Variants in PHF24 observed in about 807,000 individuals in gnomAD.
PHF24 encodes Galpha inhibitory interacting protein.
A neutral mutation model predicts 42.6 loss-of-function variants in PHF24; 25 were observed. The ratio of observed to expected loss-of-function variants is 0.59; its 90% CI spans 0.43 to 0.82. PHF24 has a LOEUF of 0.82. Ranked by LOEUF, PHF24 falls within the 40% of genes least tolerant of loss-of-function variation. PHF24 has a pLI of 0.00. For missense variants in PHF24, 470 were observed against 538.1 expected (o/e 0.87, Z 1.25); for synonymous variants, 185 against 204.8 (o/e 0.90, Z 0.83).
the PHF24 span, among the ~76,000 whole-genome samples, chr9:34,668,527 C>G: frequency 3.9e-5 from 6 of 152,200 alleles, no homozygotes; most frequent in Non-Finnish European, 7.3e-5. Flanking sequence ...TATGTACAGT[C>G]TCAGGTGCAT....
chr9:34,698,399 T>A, the PHF24 span, among the ~76,000 whole-genome samples: 68,884 of 152,090 alleles, frequency 0.45, 17,205 homozygotes, highest in East Asian at 0.78. Flanking sequence ...AGGCAATATA[T>A]ACTGTATTTA....
At chr9:34,667,451 C>T in the PHF24 span, among the ~76,000 whole-genome samples, 261 of 152,326 alleles carry the variant, frequency 1.7e-3, 2 homozygotes, top group African/African-American at 5.6e-3. Context: ...GCTTTCACCA[C>T]GTTCACCCTT....
At chr9:34,821,831 C>T in the PHF24 span, among the ~76,000 whole-genome samples, 19 of 152,294 alleles carry the variant, frequency 1.2e-4, no homozygotes, top group Admixed American at 1.2e-3. Context: ...GGATTTCAAT[C>T]TCTAGTATCA....
chr9:34,849,162 C>T, the PHF24 span, among the ~76,000 whole-genome samples: 162 of 152,126 alleles, frequency 1.1e-3, no homozygotes, highest in African/African-American at 3.7e-3. Context: ...TCCTTGTTAA[C>T]TTTCTGTCTC....
chr9:34,784,335 G>T, the PHF24 span, among the ~76,000 whole-genome samples: 7 of 152,220 alleles, frequency 4.6e-5, no homozygotes, highest in South Asian at 2.1e-4. Flanking sequence ...GCTTCAGGGA[G>T]TAGGAAATGA....
At chr9:34,933,479 CT>C in the PHF24 span, among the ~76,000 whole-genome samples, 4 of 151,984 alleles carry the variant, frequency 2.6e-5, no homozygotes, top group Non-Finnish European at 4.4e-5. Flanking sequence ...AATCCCAGCA[CT>C]TTGGGAGGCC....
chr9:34,888,507 G>A, the PHF24 span, among the ~76,000 whole-genome samples: 1 of 152,204 alleles, frequency 6.6e-6, no homozygotes, highest in South Asian at 2.1e-4. Flanking sequence ...AATGGAGGTT[G>A]GAACAGGCAA....
the PHF24 span, among the ~76,000 whole-genome samples, chr9:34,807,079 T>C: frequency 2.0e-5 from 3 of 152,234 alleles, no homozygotes; most frequent in Non-Finnish European, 4.4e-5. Flanking sequence ...TAGTACAATG[T>C]TGAGTATAAG....
At chr9:34,721,414 TC>T in the PHF24 span, among the ~76,000 whole-genome samples, 2 of 151,772 alleles carry the variant, frequency 1.3e-5, no homozygotes, top group African/African-American at 4.9e-5. Context: ...TCTCTCTCTC[TC>T]TCTCTCTCTC....
At chr9:34,918,023 C>T in the PHF24 span, 2 of 1,255,272 alleles carry the variant, frequency 1.6e-6, no homozygotes, top group Non-Finnish European at 2.3e-6. Context: ...GACACCAGTA[C>T]CACATCTGTG....
At chr9:34,970,100 T>G (rs1393869627) in intron 1 of PHF24, among the ~76,000 whole-genome samples, 2 of 152,218 alleles carry the variant, frequency 1.3e-5, no homozygotes, top group Admixed American at 1.3e-4. Context: ...AAGCCTTGAT[T>G]AGAATGGATT....
At chr9:34,846,286 C>T in the PHF24 span, among the ~76,000 whole-genome samples, 97 of 152,220 alleles carry the variant, frequency 6.4e-4, no homozygotes, top group East Asian at 0.013. Flanking sequence ...TTAATGATTG[C>T]CATTCTAACT....
At chr9:34,928,458 AT>A in the PHF24 span, among the ~76,000 whole-genome samples, 1 of 152,086 alleles carries the variant, frequency 6.6e-6, no homozygotes, top group African/African-American at 2.4e-5. Flanking sequence ...AAAATTAAAA[AT>A]TTTTTTAAAA....
At chr9:34,704,414 C>T in the PHF24 span, among the ~76,000 whole-genome samples, 4 of 152,006 alleles carry the variant, frequency 2.6e-5, no homozygotes, top group African/African-American at 7.3e-5. Context: ...AGGAGTGAAC[C>T]GGGAGAAGCA....
At chr9:34,973,841 G>T (rs1225590743) in intron 3 of PHF24, among the ~76,000 whole-genome samples, 1 of 152,074 alleles carries the variant, frequency 6.6e-6, no homozygotes, top group African/African-American at 2.4e-5. Context: ...TAGGACTGGG[G>T]TGAAGGGGTC....
At chr9:34,842,437 A>G in the PHF24 span, among the ~76,000 whole-genome samples, 2 of 152,196 alleles carry the variant, frequency 1.3e-5, no homozygotes, top group Middle Eastern at 3.2e-3. Context: ...TTGAAACCTA[A>G]TTACCAAGGT....
the PHF24 span, among the ~76,000 whole-genome samples, chr9:34,704,110 C>T: frequency 3.9e-5 from 6 of 152,140 alleles, no homozygotes; most frequent in Non-Finnish European, 5.9e-5. Context: ...ACTGCAGCCT[C>T]GAACTCCTAG....
At chr9:34,981,926 T>A (rs1827406089) in exon 8 of PHF24, 1 of 151,986 alleles carries the variant, frequency 6.6e-6, no homozygotes, top group Non-Finnish European at 1.5e-5. Flanking sequence ...TCAGCCCTGG[T>A]GTAGGGTGGG....
the PHF24 span, among the ~76,000 whole-genome samples, chr9:34,748,779 C>T: frequency 6.6e-6 from 1 of 152,132 alleles, no homozygotes; most frequent in Non-Finnish European, 1.5e-5. Context: ...ATACCTAACT[C>T]TTCAATGCCT....
Sources: gnomAD v4.1 joint callset for allele counts (sites outside exome capture counted in the v4.1 genomes callset) on GRCh38, gnomAD v4.1.1 for gene constraint, MANE v1.5 for transcripts, NCBI Gene and HGNC (gene_info 2026-07-23, HGNC 2026-07-21) for gene names.